ROBO2: variants seen among roughly 807,000 people sequenced by gnomAD.
ROBO2 encodes roundabout guidance receptor 2, also known as roundabout homolog 2.
A neutral mutation model predicts 160.8 loss-of-function variants in ROBO2; 53 were observed. That is an observed-to-expected ratio of 0.33 (90% CI 0.26 to 0.41). ROBO2 has a LOEUF of 0.41. Ranked by LOEUF, ROBO2 falls within the 10% of genes least tolerant of loss-of-function variation. The probability of loss-of-function intolerance (pLI) is 1.00; values close to 1 mark genes in which losing one functional copy is unlikely to be tolerated. For synonymous variants in ROBO2, 664 were observed against 611.7 expected (o/e 1.09, Z -1.26); for missense variants, 1,577 against 1,722.4 (o/e 0.92, Z 1.49).
intron 2 of ROBO2, among the ~76,000 whole-genome samples, chr3:76,258,222 TTTGAA>T (rs1706527286): frequency 6.6e-6 from 1 of 152,096 alleles, no homozygotes; most frequent in East Asian, 1.9e-4. Context: ...ATGATTTTGA[TTTGAA>T]TCAATTTTAA....
intron 2 of ROBO2, among the ~76,000 whole-genome samples, chr3:76,399,879 T>C (rs11127543): frequency 0.072 from 10,942 of 151,740 alleles, 915 homozygotes; most frequent in East Asian, 0.41. Flanking sequence ...TAATACCATA[T>C]AGTAGATACA....
At chr3:76,647,532 A>G (rs1423054578) in intron 2 of ROBO2, among the ~76,000 whole-genome samples, 1 of 152,228 alleles carries the variant, frequency 6.6e-6, no homozygotes, top group Non-Finnish European at 1.5e-5. Flanking sequence ...GAAAATGGTT[A>G]AAATCTTTTA....
At chr3:76,414,024 G>A (rs1476379536) in intron 2 of ROBO2, among the ~76,000 whole-genome samples, 3 of 152,122 alleles carry the variant, frequency 2.0e-5, no homozygotes, top group African/African-American at 7.2e-5. Flanking sequence ...CTTACCTGGT[G>A]GCAGCAAGAG....
chr3:76,840,869 C>G (rs2068189633), intron 2 of ROBO2, among the ~76,000 whole-genome samples: 1 of 151,850 alleles, frequency 6.6e-6, no homozygotes. Context: ...TGAAAACCCT[C>G]CAATTGAGAA....
chr3:76,101,326 G>A (rs2069674121), intron 2 of ROBO2, among the ~76,000 whole-genome samples: 1 of 152,116 alleles, frequency 6.6e-6, no homozygotes, highest in East Asian at 1.9e-4. Context: ...ACAGACAGCA[G>A]TGCCAACCTT....
At chr3:77,569,144 A>G (rs1436292082) in intron 13 of ROBO2, among the ~76,000 whole-genome samples, 2 of 152,142 alleles carry the variant, frequency 1.3e-5, no homozygotes, top group African/African-American at 2.4e-5. Context: ...GGGTGGACAC[A>G]TGTTTTCATT....
At chr3:77,314,948 T>A (rs1021655129) in intron 2 of ROBO2, among the ~76,000 whole-genome samples, 1 of 152,190 alleles carries the variant, frequency 6.6e-6, no homozygotes, top group Non-Finnish European at 1.5e-5. Flanking sequence ...TTCAAATGAA[T>A]CTACTTGGAA....
intron 2 of ROBO2, among the ~76,000 whole-genome samples, chr3:76,928,452 ATT>A (rs35736164): frequency 0.25 from 35,542 of 142,578 alleles, 4,369 homozygotes; most frequent in African/African-American, 0.35. Flanking sequence ...GTTTATGATA[ATT>A]TTTTTTTTTT....
At chr3:76,367,287 T>C (rs922216946) in intron 2 of ROBO2, among the ~76,000 whole-genome samples, 1 of 152,050 alleles carries the variant, frequency 6.6e-6, no homozygotes. Context: ...TATTGAGAGA[T>C]GTTTACAAAA....
intron 2 of ROBO2, among the ~76,000 whole-genome samples, chr3:76,812,600 T>C (rs1407664098): frequency 6.6e-6 from 1 of 152,042 alleles, no homozygotes; most frequent in Non-Finnish European, 1.5e-5. Context: ...AATTATGTAT[T>C]ATGATGACTT....
At chr3:76,101,217 T>A (rs1206461844) in intron 2 of ROBO2, among the ~76,000 whole-genome samples, 1 of 152,172 alleles carries the variant, frequency 6.6e-6, no homozygotes, top group Non-Finnish European at 1.5e-5. Flanking sequence ...ATTATTGTTT[T>A]AGTATTACAT....
At chr3:76,875,641 T>A (rs202237096) in intron 2 of ROBO2, among the ~76,000 whole-genome samples, 1 of 152,094 alleles carries the variant, frequency 6.6e-6, no homozygotes, top group East Asian at 1.9e-4. Flanking sequence ...CCTTTTTGGA[T>A]TCAGACCCTT....
intron 2 of ROBO2, among the ~76,000 whole-genome samples, chr3:77,108,679 G>A (rs924999100): frequency 6.6e-6 from 1 of 152,084 alleles, no homozygotes; most frequent in Non-Finnish European, 1.5e-5. Context: ...AGGAGGGGCC[G>A]CAAGTTGCTT....
At chr3:76,047,508 A>G (rs760453394) in intron 2 of ROBO2, among the ~76,000 whole-genome samples, 20 of 152,290 alleles carry the variant, frequency 1.3e-4, no homozygotes, top group South Asian at 4.1e-4. Context: ...AGCACTGTGG[A>G]GGTGAGAACC....
chr3:76,300,154 G>T (rs1047897681), intron 2 of ROBO2, among the ~76,000 whole-genome samples: 10 of 152,044 alleles, frequency 6.6e-5, no homozygotes, highest in African/African-American at 2.4e-4. Context: ...TTATTCATGG[G>T]CTGTGGGAAA....
At chr3:75,970,091 CT>C (rs1400924073) in intron 2 of ROBO2, among the ~76,000 whole-genome samples, 1 of 151,354 alleles carries the variant, frequency 6.6e-6, no homozygotes, top group Admixed American at 6.6e-5. Context: ...CAGTTTTATT[CT>C]TTTATATGTA....
intron 2 of ROBO2, among the ~76,000 whole-genome samples, chr3:76,030,468 C>T (rs4510383): frequency 0.28 from 41,774 of 151,762 alleles, 8,074 homozygotes; most frequent in African/African-American, 0.56. Flanking sequence ...TGGTATTGCC[C>T]AGGTTTTCTT....
intron 2 of ROBO2, among the ~76,000 whole-genome samples, chr3:77,235,567 G>T (rs2087852004): frequency 6.6e-6 from 1 of 151,888 alleles, no homozygotes; most frequent in Non-Finnish European, 1.5e-5. Flanking sequence ...TCAAAATTGT[G>T]ATATCATATA....
At chr3:77,367,138 T>C (rs950430947) in intron 2 of ROBO2, among the ~76,000 whole-genome samples, 4 of 152,280 alleles carry the variant, frequency 2.6e-5, no homozygotes, top group East Asian at 1.9e-4. Context: ...CTACTGTTGA[T>C]GTTGTACACA....
Sources: gnomAD v4.1 joint callset for allele counts (sites outside exome capture counted in the v4.1 genomes callset) on GRCh38, gnomAD v4.1.1 for gene constraint, MANE v1.5 for transcripts, NCBI Gene and HGNC (gene_info 2026-07-23, HGNC 2026-07-21) for gene names.